TBX2: variants seen among roughly 807,000 people sequenced by gnomAD.
The protein encoded by TBX2 is T-box transcription factor TBX2.
In TBX2, 19 loss-of-function variants were observed where a neutral mutation model predicts 48.4. The ratio of observed to expected loss-of-function variants is 0.39; its 90% CI spans 0.27 to 0.58. The LOEUF (loss-of-function observed/expected upper bound fraction) is 0.58, where lower values mean the gene tolerates loss of function less well. Among genes scored for constraint, TBX2 ranks in the 20% least tolerant of loss-of-function variants. TBX2 has a pLI of 0.54. For missense variants in TBX2, 994 were observed against 1,006.5 expected, an observed-to-expected ratio of 0.99 and a Z score of 0.17; for synonymous variants, 522 against 459.7, an observed-to-expected ratio of 1.14 and a Z score of -1.73.
Position 61,400,565 on chromosome 17 carries a change from C to A in TBX2, c.389C>A (p.Ser130Tyr). The change falls in exon 1 of 7, where the codon TCC becomes TAC. Residue 130 changes from serine to tyrosine, a missense_variant. Ser to Tyr is a moderately radical substitution (Grantham distance 144). Transcript: ENST00000240328. The surrounding 1 kb of genome is among the most constrained non-coding windows in gnomAD (Gnocchi z 9.2). ...GGCACGGAGATGGTCATCACCAAGT[C>A]CGGGAGGTAGGGCTGCCGGCCGGCT... Reference protein sequence around the residue: ...KLGTEMVITKSGRRMFPPFKV... With the variant: ...KLGTEMVITKYGRRMFPPFKV... The A allele has an allele frequency of 6.4e-7, 1 of 1,554,340 alleles. No individual in the cohort carries two copies. The highest frequency in any genetic ancestry group is 8.7e-7 in the Non-Finnish European group (1 of 1,148,828).
Position 61,408,157 on chromosome 17 carries a change from C to T in TBX2, c.1790C>T (p.Ala597Val), listed in dbSNP as rs758713361. ...GCTTTGCCCGCCACTAGTGCTGCAG[C>T]TGCCGCCGCCGCAGCCGCCGGCTCC... ...ASALPATSAA[A>V]AAAAAAGSLS... is the part of the protein sequence containing the mutation. Residue 597 changes from alanine to valine, a missense_variant, in exon 7 of 7, where the codon GCT (alanine) becomes GTT (valine). Physicochemically the swap from Ala to Val is moderately conservative, Grantham distance 64. Coordinates refer to ENST00000240328, the MANE Select transcript of TBX2 (RefSeq NM_005994.4). The T allele has an allele frequency of 6.2e-7, 1 of 1,611,268 alleles. No individual in the cohort carries two copies. The highest frequency in any genetic ancestry group is 1.1e-5 in the South Asian group (1 of 90,942).
At position 61,400,154 on chromosome 17, in the gene TBX2, G is replaced by T; in HGVS notation, c.-23G>T. On this transcript the variant is annotated 5_prime_UTR_variant, in exon 1 of 7. Coordinates refer to ENST00000240328, the MANE Select transcript of TBX2 (RefSeq NM_005994.4). This position sits in a 1 kb window ranked among gnomAD's most constrained non-coding sequence, Gnocchi z 9.2. Reference sequence around the variant, plus strand: ...GCCCCCGGCCCCGGCCCCGGCCCCCGGGCGCCTGGGCCGGATGTCCCGATG... The same window carrying T: ...GCCCCCGGCCCCGGCCCCGGCCCCCTGGCGCCTGGGCCGGATGTCCCGATG... 1 of 1,005,356 alleles carries T rather than the reference G, an allele frequency of 9.9e-7. No homozygotes were observed. The highest frequency in any genetic ancestry group is 1.0e-4 in the East Asian group (1 of 9,720). 62.3% of individuals were successfully genotyped at this position (1,005,356 alleles called of 1,614,324 possible). A position where few individuals can be genotyped will look rare whatever the true frequency, so the allele number is the denominator to read the frequency against.
At chr17:61,401,074 G>T (rs2060262194) in intron 1 of TBX2, among the ~76,000 whole-genome samples, 1 of 152,088 alleles carries the variant, frequency 6.6e-6, no homozygotes, top group Non-Finnish European at 1.5e-5. Flanking sequence ...ACCGGGCTGG[G>T]AGCCCTTTCT....
At position 61,404,442 on chromosome 17, in the gene TBX2, A is replaced by T. The variant is rs1380302085; in HGVS notation, c.832A>T (p.Asn278Tyr). ...NDKITQLKID[N>Y]NPFAKGFRDT... Reference sequence around the variant, plus strand: ...GCAGATCACACAGCTGAAGATCGACAACAACCCGTTTGCCAAGGGCTTCCG... The same window carrying T: ...GCAGATCACACAGCTGAAGATCGACTACAACCCGTTTGCCAAGGGCTTCCG... The change falls in exon 4 of 7, where the codon AAC (asparagine) becomes TAC (tyrosine). Residue 278 changes from asparagine to tyrosine, a missense_variant. By Grantham distance (143) the Asn-to-Tyr change is moderately radical. Coordinates refer to ENST00000240328, the MANE Select transcript of TBX2 (RefSeq NM_005994.4). 6.2e-7 allele frequency: 1 copy of T among 1,611,694 alleles called. No individual in the cohort carries two copies. Among genetic ancestry groups the T allele is most frequent in the Non-Finnish European group, 8.5e-7 (1 of 1,179,084 alleles).
Position 61,403,208 on chromosome 17 carries a change from G to T in TBX2, c.810+1G>T. On this transcript the variant is annotated splice_donor_variant, in intron 3 of 6. Transcript: ENST00000240328. LOFTEE classifies it high-confidence loss of function. The surrounding 1 kb of genome is among the most constrained non-coding windows in gnomAD (Gnocchi z 5.8). ...CGTCACTGCCTACCAGAATGACAAG[G>T]TGCGCGCGGCGGGCGGTGGGCTAAG... 6.2e-7 allele frequency: 1 copy of T among 1,612,720 alleles called. No homozygotes were observed. Among genetic ancestry groups the T allele is most frequent in the Non-Finnish European group, 8.5e-7 (1 of 1,179,970 alleles).
Position 61,403,149 on chromosome 17 carries a change from G to T in TBX2, c.752G>T (p.Arg251Leu). The T allele has an allele frequency of 6.2e-7, 1 of 1,613,720 alleles. No homozygotes were observed. Among genetic ancestry groups the T allele is most frequent in the African/African-American group, 1.3e-5 (1 of 75,058 alleles). Residue 251 changes from arginine to leucine, a missense_variant, in exon 3 of 7, where the codon CGC becomes CTC. Arg to Leu is a moderately radical substitution (Grantham distance 102, BLOSUM62 -2). Coordinates refer to ENST00000240328, the MANE Select transcript of TBX2 (RefSeq NM_005994.4). This position sits in a 1 kb window ranked among gnomAD's most constrained non-coding sequence, Gnocchi z 5.8. ...DILKLPYSTF[R>L]TYVFPETDFI... is the part of the protein sequence containing the mutation. ...CTGAAGCTGCCTTACAGCACCTTCC[G>T]CACCTACGTGTTCCCGGAGACCGAC... is the stretch of plus-strand genomic sequence containing the variant.
chr17:61,406,936 C>T lies in TBX2; in HGVS notation c.1686+1100C>T, dbSNP rs1016835085. 1.3e-5 allele frequency: 2 copies of T among 152,144 alleles called. No homozygotes were observed. Among genetic ancestry groups the T allele is most frequent in the African/African-American group, 4.8e-5 (2 of 41,408 alleles). 9.4% of individuals were successfully genotyped at this position (152,144 alleles called of 1,614,324 possible). Reference sequence around the variant, plus strand: ...TTATTTGTGTATATGAATGCCTCCTCCCCAGACAAACTGGTAATAATCACC... The same window carrying T: ...TTATTTGTGTATATGAATGCCTCCTTCCCAGACAAACTGGTAATAATCACC... On this transcript the variant is annotated intron_variant, in intron 6 of 6. Coordinates refer to ENST00000240328, the MANE Select transcript of TBX2 (RefSeq NM_005994.4). The surrounding 1 kb of genome is among the most constrained non-coding windows in gnomAD (Gnocchi z 5.7).
At position 61,400,471 on chromosome 17, in the gene TBX2, G is replaced by A. The variant is rs1319126868; in HGVS notation, c.295G>A (p.Asp99Asn). The A allele has an allele frequency of 1.2e-6, 2 of 1,601,164 alleles. No individual in the cohort carries two copies. Among genetic ancestry groups the A allele is most frequent in the African/African-American group, 1.3e-5 (1 of 74,890 alleles). The change falls in exon 1 of 7, where the codon GAC becomes AAC. Residue 99 changes from aspartate to asparagine, a missense_variant. Coordinates refer to ENST00000240328, the MANE Select transcript of TBX2 (RefSeq NM_005994.4). This position sits in a 1 kb window ranked among gnomAD's most constrained non-coding sequence, Gnocchi z 9.2. ...CTCCCTCAAGAGCCTGGAGCCCGAG[G>A]ACGAGGTGGAGGACGACCCCAAGGT... ...LRSLKSLEPEDEVEDDPKVTL... is the reference protein window; with the variant it reads ...LRSLKSLEPENEVEDDPKVTL...
At position 61,400,229 on chromosome 17, in the gene TBX2, C is replaced by T. The variant is rs1406967777; in HGVS notation, c.53C>T (p.Ala18Val). The stretch of plus-strand genomic sequence containing the variant: ...GCCATGGCTTACCACCCGTTCCACG[C>T]GCCACGGCCCGCCGACTTCCCCATG... ...ASAMAYHPFHAPRPADFPMSA... is the reference protein window; with the variant it reads ...ASAMAYHPFHVPRPADFPMSA... Residue 18 changes from alanine (A) to valine (V), a missense_variant, in exon 1 of 7, where the codon GCG becomes GTG. This residue lies in a region of TBX2 where 165 missense variants were observed against 136.8 expected (regional missense o/e 1.21). Coordinates refer to ENST00000240328, the MANE Select transcript of TBX2 (RefSeq NM_005994.4). This position sits in a 1 kb window ranked among gnomAD's most constrained non-coding sequence, Gnocchi z 9.2. 1 of 1,220,510 alleles carries T rather than the reference C, an allele frequency of 8.2e-7. No individual in the cohort carries two copies. The highest frequency in any genetic ancestry group is 2.6e-5 in the Admixed American group (1 of 38,504). 75.6% of individuals were successfully genotyped at this position (1,220,510 alleles called of 1,614,324 possible).
intron 6 of TBX2, chr17:61,407,791 A>T (rs1277375202): frequency 8.4e-6 from 4 of 476,928 alleles, no homozygotes; most frequent in Admixed American, 8.3e-5. Context: ...TGTCCTTTCC[A>T]TTACCCCTGC....
Position 61,403,243 on chromosome 17 carries a change from T to G in TBX2, c.810+36T>G. Reference sequence around the variant, plus strand: ...CGGGCGGTGGGCTAAGCCCCTGCACTGACGCCCCTCAACACGTGCAGGCCC... The same window carrying G: ...CGGGCGGTGGGCTAAGCCCCTGCACGGACGCCCCTCAACACGTGCAGGCCC... On this transcript the variant is annotated intron_variant, in intron 3 of 6. Coordinates refer to ENST00000240328, the MANE Select transcript of TBX2 (RefSeq NM_005994.4). The surrounding 1 kb of genome is among the most constrained non-coding windows in gnomAD (Gnocchi z 5.8). 1 of 1,604,452 alleles carries G rather than the reference T, an allele frequency of 6.2e-7. No individual in the cohort carries two copies. The highest frequency in any genetic ancestry group is 8.5e-7 in the Non-Finnish European group (1 of 1,178,598).
intron 6 of TBX2, 78 bp from the exon 7 acceptor site, chr17:61,407,976 C>T (rs1449166987): frequency 6.8e-7 from 1 of 1,478,688 alleles, no homozygotes; most frequent in Non-Finnish European, 9.0e-7. Flanking sequence ...GCACGGTGTC[C>T]AGGGGATAGC....
chr17:61,405,162 C>A, intron 5 of TBX2, 40 bp from the exon 6 acceptor site: 2 of 1,461,750 alleles, frequency 1.4e-6, no homozygotes, highest in Non-Finnish European at 1.8e-6. Flanking sequence ...TCGTCGGCCT[C>A]CGCCCAGGCC....
Position 61,406,748 on chromosome 17 carries a change from G to C in TBX2, c.1686+912G>C. 1 of 17,278 alleles carries C rather than the reference G, an allele frequency of 5.8e-5. No homozygotes were observed. Among genetic ancestry groups the C allele is most frequent in the East Asian group, 6.8e-4 (1 of 1,460 alleles). The allele number at this position is 17,278 out of a possible 1,614,324, so 1.1% of individuals were successfully genotyped here. A position where few individuals can be genotyped will look rare whatever the true frequency, so the allele number is the denominator to read the frequency against. On this transcript the variant is annotated intron_variant, in intron 6 of 6. Transcript: ENST00000240328. The surrounding 1 kb of genome is among the most constrained non-coding windows in gnomAD (Gnocchi z 5.7). ...AAGTTGGGTTGGTGGGTGGGGGGGT[G>C]GGGGGTTGGGAGGCAGGCGATTCTG...
In TBX2 at chr17:61,403,312, G is replaced by C. The variant is rs541103803; in HGVS notation, c.810+105G>C. On this transcript the variant is annotated intron_variant, in intron 3 of 6. Coordinates refer to ENST00000240328, the MANE Select transcript of TBX2 (RefSeq NM_005994.4). This position sits in a 1 kb window ranked among gnomAD's most constrained non-coding sequence, Gnocchi z 5.8. ...CCTCGAAGCCCCCTGCACGGGATCC[G>C]CGCTCTTGCGGCCCGCCCCCGAGCA... The C allele has an allele frequency of 5.8e-5, 87 of 1,511,134 alleles. No homozygotes were observed. Among genetic ancestry groups the C allele is most frequent in the Non-Finnish European group, 6.6e-5 (75 of 1,134,384 alleles). The allele number at this position is 1,511,134 out of a possible 1,614,324, so 93.6% of individuals were successfully genotyped here.
Position 61,406,042 on chromosome 17 carries a change from G to A in TBX2, c.1686+206G>A. 1 of 472,990 alleles carries A rather than the reference G, an allele frequency of 2.1e-6. No homozygotes were observed. Among genetic ancestry groups the A allele is most frequent in the Non-Finnish European group, 3.4e-6 (1 of 297,582 alleles). The allele number at this position is 472,990 out of a possible 1,614,324, so 29.3% of individuals were successfully genotyped here. A position where few individuals can be genotyped will look rare whatever the true frequency, so the allele number is the denominator to read the frequency against. Reference sequence around the variant, plus strand: ...GTGTTGTAAGTCCAGGGGCTGGCCAGGGCGCCGCTTCTGACTCCCGTGTGA... The same window carrying A: ...GTGTTGTAAGTCCAGGGGCTGGCCAAGGCGCCGCTTCTGACTCCCGTGTGA... On this transcript the variant is annotated intron_variant, in intron 6 of 6. Transcript: ENST00000240328. This position sits in a 1 kb window ranked among gnomAD's most constrained non-coding sequence, Gnocchi z 5.7.
Position 61,399,992 on chromosome 17 carries a change from G to C in TBX2, c.-185G>C, listed in dbSNP as rs1158353866. 5.7e-6 allele frequency: 1 copy of C among 174,272 alleles called. No homozygotes were observed. Among genetic ancestry groups the C allele is most frequent in the Non-Finnish European group, 1.1e-5 (1 of 88,946 alleles). 10.8% of individuals were successfully genotyped at this position (174,272 alleles called of 1,614,324 possible). On this transcript the variant is annotated 5_prime_UTR_variant, in exon 1 of 7. Transcript: ENST00000240328. This position sits in a 1 kb window ranked among gnomAD's most constrained non-coding sequence, Gnocchi z 4.7. ...CAGCCCGGCCCCGCGCAGAGCCCCC[G>C]CCGCCCCCGCGCACAGAGCCGGGTG...
chr17:61,400,422 G>T lies in TBX2; in HGVS notation c.246G>T (p.Pro82=). The change falls in exon 1 of 7, where the codon CCG becomes CCT. Residue 82 remains proline (P), a synonymous_variant. Transcript: ENST00000240328. The surrounding 1 kb of genome is among the most constrained non-coding windows in gnomAD (Gnocchi z 9.2). ...GGCTGCACGTCTCGGCACTGGGCCC[G>T]CACCCGCCCGCCGCGCATCTGCGCT... ...EAGLHVSALG[P]HPPAAHLRSL... is the part of the protein sequence containing the mutation. The T allele has an allele frequency of 1.3e-6, 2 of 1,548,186 alleles. No individual in the cohort carries two copies. Among genetic ancestry groups the T allele is most frequent in the Admixed American group, 1.9e-5 (1 of 52,458 alleles).
In TBX2 at chr17:61,405,574, A is replaced by C. The variant is rs1352475758; in HGVS notation, c.1424A>C (p.His475Pro). 1 of 1,600,510 alleles carries C rather than the reference A, an allele frequency of 6.2e-7. No homozygotes were observed. Among genetic ancestry groups the C allele is most frequent in the South Asian group, 1.1e-5 (1 of 89,640 alleles). ...LPGLAFSSHL[H>P]GQQFFGPLGA... is the part of the protein sequence containing the mutation. ...GGCCTGGCCTTTTCCAGCCACTTGCACGGGCAGCAGTTCTTTGGGCCGCTG... is the reference window on the plus strand; with the variant it reads ...GGCCTGGCCTTTTCCAGCCACTTGCCCGGGCAGCAGTTCTTTGGGCCGCTG... Residue 475 changes from histidine (H) to proline (P), a missense_variant, in exon 6 of 7, where the codon CAC (histidine) becomes CCC (proline). Around this residue, in one of 5 missense-constraint regions of TBX2, gnomAD observed 639 missense variants for 613.2 expected, o/e 1.04. Transcript: ENST00000240328.
Sources: gnomAD v4.1 joint callset for allele counts (sites outside exome capture counted in the v4.1 genomes callset) on GRCh38, gnomAD v4.1.1 for gene constraint, gnomAD v4.1.1 regional missense constraint, Gnocchi (gnomAD v3.1) non-coding constraint, MANE v1.5 for transcripts, NCBI Gene and HGNC (gene_info 2026-07-23, HGNC 2026-07-21) for gene names.